Variants in LRFN5 observed in about 807,000 individuals in gnomAD.
LRFN5 encodes the protein leucine rich repeat and fibronectin type III domain containing 5.
LRFN5 carries 24 observed loss-of-function variants against 45.6 expected under a neutral mutation model. The ratio of observed to expected loss-of-function variants is 0.53; its 90% confidence interval spans 0.38 to 0.74. LRFN5 has a LOEUF of 0.74. Ranked by LOEUF, LRFN5 falls within the 30% of genes least tolerant of loss-of-function variation. LRFN5 has a pLI of 0.00. For synonymous variants in LRFN5, 340 were observed against 313.8 expected, an observed-to-expected ratio of 1.08 and a Z score of -0.88; for missense variants, 776 against 861.5, an observed-to-expected ratio of 0.90 and a Z score of 1.24.
At chr14:41,820,158 G>A (rs895041428) in intron 2 of LRFN5, among the ~76,000 whole-genome samples, 7 of 151,746 alleles carry the variant, frequency 4.6e-5, no homozygotes, top group African/African-American at 1.7e-4. Context: ...TGTTGCATTT[G>A]CTTTTGAGGT....
intron 2 of LRFN5, among the ~76,000 whole-genome samples, chr14:41,783,021 G>C (rs1886587479): frequency 7.2e-6 from 1 of 139,048 alleles, no homozygotes; most frequent in South Asian, 2.3e-4. Context: ...CCTAGTGTTG[G>C]CTCAAGTGGG....
chr14:41,682,639 T>C (rs773663983), intron 1 of LRFN5, among the ~76,000 whole-genome samples: 3 of 152,154 alleles, frequency 2.0e-5, no homozygotes, highest in Non-Finnish European at 4.4e-5. Flanking sequence ...GGCATAACTG[T>C]AACGAAAATT....
chr14:41,710,283 A>G (rs1281666296), intron 1 of LRFN5, among the ~76,000 whole-genome samples: 2 of 152,164 alleles, frequency 1.3e-5, no homozygotes, highest in East Asian at 3.9e-4. Flanking sequence ...GTCTCCAAAC[A>G]TTTTGAAAGG....
intron 2 of LRFN5, among the ~76,000 whole-genome samples, chr14:41,855,815 C>G (rs896880756): frequency 6.6e-6 from 1 of 152,204 alleles, no homozygotes; most frequent in Non-Finnish European, 1.5e-5. Context: ...TGTTTTACCT[C>G]TTAGGATCTA....
chr14:41,675,165 G>A (rs1329054262), intron 1 of LRFN5, among the ~76,000 whole-genome samples: 2 of 152,174 alleles, frequency 1.3e-5, no homozygotes, highest in African/African-American at 4.8e-5. Flanking sequence ...ACGATGGGCA[G>A]CCAGGCAGAG....
chr14:41,873,405 AAGAGAGAGAGAGACAG>A (rs1193623626), intron 2 of LRFN5, among the ~76,000 whole-genome samples: 2 of 122,556 alleles, frequency 1.6e-5, no homozygotes, highest in African/African-American at 3.1e-5. Flanking sequence ...AGAGAGGAGA[AAGAGAGAGAGAGACAG>A]AGAGAGAGAG....
At position 41,754,679 on chromosome 14, in the gene LRFN5, G is replaced by A. The variant is rs190964205; in HGVS notation, c.-196-12175G>A. ...CTTTTCTTCTTTATCAGTCTTGCTA[G>A]TGGTCTATCAATTTTGTTGATCTTT... On this transcript the variant is annotated intron_variant, in intron 1 of 5. Transcript: ENST00000298119. 9.5e-3 allele frequency among the ~76,000 whole-genome samples: 1,453 copies of A among 152,154 alleles called. 8 individuals are homozygous for A. Among genetic ancestry groups the A allele is most frequent in the East Asian group, 0.014 (73 of 5,176 alleles).
chr14:41,736,266 C>G (rs1317651755), intron 1 of LRFN5, among the ~76,000 whole-genome samples: 2 of 152,078 alleles, frequency 1.3e-5, no homozygotes, highest in African/African-American at 2.4e-5. Context: ...CTCCAGCATC[C>G]ATTGTTTCCT....
chr14:41,786,904 G>A (rs1016130394), intron 2 of LRFN5, among the ~76,000 whole-genome samples: 9 of 151,904 alleles, frequency 5.9e-5, no homozygotes, highest in Non-Finnish European at 1.3e-4. Context: ...CTTCTACTGT[G>A]TCTACTCTGC....
intron 1 of LRFN5, among the ~76,000 whole-genome samples, chr14:41,656,662 A>G (rs570394405): frequency 6.6e-6 from 1 of 152,034 alleles, no homozygotes; most frequent in Non-Finnish European, 1.5e-5. Context: ...GAGTACAGTG[A>G]TCAAACCCAT....
chr14:41,611,750 T>C (rs1887765005), intron 1 of LRFN5, among the ~76,000 whole-genome samples: 1 of 152,334 alleles, frequency 6.6e-6, no homozygotes, highest in Non-Finnish European at 1.5e-5. Flanking sequence ...CACCTTGTTT[T>C]TGAAATATGA....
At position 41,607,844 on chromosome 14, in the gene LRFN5, C is replaced by T. The variant is rs1426897268; in HGVS notation, c.-915C>T. 1 of 152,188 alleles carries T rather than the reference C, an allele frequency of 6.6e-6. No homozygotes were observed. Among genetic ancestry groups the T allele is most frequent in the Admixed American group, 6.5e-5 (1 of 15,286 alleles). 9.4% of individuals were successfully genotyped at this position (152,188 alleles called of 1,614,324 possible). ...TGTATCTACACCTTCTTCTCTTGGCCAGAAGGATATTTACGTTTTGGTTCA... is the reference window on the plus strand; with the variant it reads ...TGTATCTACACCTTCTTCTCTTGGCTAGAAGGATATTTACGTTTTGGTTCA... On this transcript the variant is annotated 5_prime_UTR_variant, in exon 1 of 6. An upstream open reading frame in the 5' UTR gains an earlier in-frame stop. Coordinates refer to ENST00000298119, the MANE Select transcript of LRFN5 (RefSeq NM_152447.5).
At chr14:41,847,562 A>C (rs1473816713) in intron 2 of LRFN5, among the ~76,000 whole-genome samples, 1 of 152,052 alleles carries the variant, frequency 6.6e-6, no homozygotes, top group African/African-American at 2.4e-5. Context: ...CTTTATTACA[A>C]ATAATACTTT....
rs1413435885 is a variant in LRFN5, at chr14:41,802,840, G to T, written c.-21+35811G>T. Among the ~76,000 whole-genome samples the T allele has an allele frequency of 2.0e-5, 3 of 152,066 alleles. No individual in the cohort carries two copies. The East Asian group carries it at 5.8e-4, about 29-fold the overall frequency. ...AAGTGGGAAGAATATATCTAAGAAG[G>T]TTGAAGAATTACTTGACAATGAGAT... On this transcript the variant is annotated intron_variant, in intron 2 of 5. Coordinates refer to ENST00000298119, the MANE Select transcript of LRFN5 (RefSeq NM_152447.5).
chr14:41,719,745 G>GTGTA (rs1555357553), intron 1 of LRFN5, among the ~76,000 whole-genome samples: 2 of 149,088 alleles, frequency 1.3e-5, no homozygotes, highest in African/African-American at 4.9e-5. Flanking sequence ...ATGTGTGTGT[G>GTGTA]TATATATATA....
intron 1 of LRFN5, among the ~76,000 whole-genome samples, chr14:41,659,557 G>T (rs1345469206): frequency 2.6e-5 from 4 of 152,060 alleles, no homozygotes; most frequent in African/African-American, 7.2e-5. Context: ...AATCCTTTGG[G>T]TATATACCCA....
chr14:41,873,473 A>G (rs1890091206), intron 2 of LRFN5, among the ~76,000 whole-genome samples: 1 of 151,906 alleles, frequency 6.6e-6, no homozygotes, highest in East Asian at 1.9e-4. Flanking sequence ...GCGTTCAGTG[A>G]TATAAAATCT....
intron 1 of LRFN5, among the ~76,000 whole-genome samples, chr14:41,625,134 T>C (rs1888281691): frequency 6.6e-6 from 1 of 152,170 alleles, no homozygotes; most frequent in Non-Finnish European, 1.5e-5. Context: ...GAGAGGATAG[T>C]ACAATTATAG....
intron 2 of LRFN5, among the ~76,000 whole-genome samples, chr14:41,839,296 T>C (rs928456295): frequency 6.6e-6 from 1 of 151,266 alleles, no homozygotes; most frequent in Admixed American, 6.6e-5. Flanking sequence ...CAAGTTGCTT[T>C]TGAATAACCA....
Sources: allele counts gnomAD v4.1 joint callset (sites outside exome capture counted in the v4.1 genomes callset), GRCh38; gene constraint gnomAD v4.1.1; transcripts MANE v1.5; gene names NCBI Gene and HGNC (gene_info 2026-07-23, HGNC 2026-07-21).